Variants in MACROD2 observed in about 807,000 individuals in gnomAD.
MACROD2 encodes mono-ADP ribosylhydrolase 2.
MACROD2 carries 36 observed loss-of-function variants against 70.4 expected under a neutral mutation model. The ratio of observed to expected loss-of-function variants is 0.51; its 90% CI spans 0.39 to 0.68. The LOEUF (loss-of-function observed/expected upper bound fraction) is 0.68, where lower values mean the gene tolerates loss of function less well. MACROD2 is among the 30% of genes least tolerant of loss of function. The pLI is 0.00. For synonymous variants in MACROD2, 172 were observed against 178.8 expected (o/e 0.96, Z 0.30); for missense variants, 496 against 538.4 (o/e 0.92, Z 0.78).
chr20:15,204,522 T>A (rs182706091), intron 5 of MACROD2, among the ~76,000 whole-genome samples: 255 of 152,296 alleles, frequency 1.7e-3, no homozygotes, highest in South Asian at 0.017. Context: ...CCTGGCCTAT[T>A]ATAATTTTCA....
At chr20:14,647,122 C>G (rs908287347) in intron 4 of MACROD2, among the ~76,000 whole-genome samples, 3 of 152,112 alleles carry the variant, frequency 2.0e-5, no homozygotes, top group African/African-American at 7.2e-5. Flanking sequence ...AAACTATTCT[C>G]TTCAACACTT....
intron 4 of MACROD2, chr20:14,636,635 A>G (rs1984803344): frequency 6.6e-6 from 1 of 152,186 alleles, no homozygotes; most frequent in South Asian, 2.1e-4. Flanking sequence ...CAGGCTTCTT[A>G]CCATTCATGT....
intron 4 of MACROD2, among the ~76,000 whole-genome samples, chr20:14,527,880 A>G (rs536861637): frequency 6.6e-6 from 1 of 152,148 alleles, no homozygotes; most frequent in Non-Finnish European, 1.5e-5. Flanking sequence ...TTAAAGGTCA[A>G]TTATTTCAAC....
rs1012731050 is a variant in MACROD2, at chr20:14,878,484, A to C, written c.418+193525A>C. Among the ~76,000 whole-genome samples, 10 of 152,120 alleles carry C rather than the reference A, an allele frequency of 6.6e-5. 1 individual carries two copies. The highest frequency in any genetic ancestry group is 3.3e-4 in the Admixed American group (5 of 15,258). On this transcript the variant is annotated intron_variant, in intron 5 of 17. Transcript: ENST00000684519. ...CCTTTAAAGTAAAACTATAAGAATT[A>C]TTAGTCATTTGATGAGAAGTAATAA...
At chr20:14,199,505 T>G (rs868333798) in intron 3 of MACROD2, among the ~76,000 whole-genome samples, 1 of 152,236 alleles carries the variant, frequency 6.6e-6, no homozygotes, top group African/African-American at 2.4e-5. Flanking sequence ...ATAGCTAAAA[T>G]GCACAGTATA....
At chr20:14,265,909 T>C (rs2082140938) in intron 3 of MACROD2, among the ~76,000 whole-genome samples, 1 of 152,060 alleles carries the variant, frequency 6.6e-6, no homozygotes, top group South Asian at 2.1e-4. Context: ...CCCAAGTAGC[T>C]GGGACTACAG....
intron 5 of MACROD2, among the ~76,000 whole-genome samples, chr20:14,925,651 G>T (rs1293231852): frequency 6.6e-6 from 1 of 152,106 alleles, no homozygotes; most frequent in Non-Finnish European, 1.5e-5. Context: ...TAGAAACCTT[G>T]GTCATTCAGA....
At chr20:15,540,043 A>T (rs1334281995) in intron 8 of MACROD2, among the ~76,000 whole-genome samples, 1 of 152,232 alleles carries the variant, frequency 6.6e-6, no homozygotes, top group South Asian at 2.1e-4. Context: ...GTAGAGCGAT[A>T]AAGTGATGAC....
intron 5 of MACROD2, among the ~76,000 whole-genome samples, chr20:15,052,922 A>G (rs556214160): frequency 6.6e-6 from 1 of 152,332 alleles, no homozygotes; most frequent in African/African-American, 2.4e-5. Context: ...AATGATAAGA[A>G]AGTGAAACAG....
intron 8 of MACROD2, among the ~76,000 whole-genome samples, chr20:15,766,830 C>A (rs2051535257): frequency 6.6e-6 from 1 of 152,234 alleles, no homozygotes; most frequent in South Asian, 2.1e-4. Flanking sequence ...TATCTCAGGA[C>A]TCTTAGCTTG....
At chr20:15,758,696 C>T (rs1398479654) in intron 8 of MACROD2, among the ~76,000 whole-genome samples, 3 of 152,038 alleles carry the variant, frequency 2.0e-5, no homozygotes, top group Non-Finnish European at 4.4e-5. Context: ...TGCTCCACCA[C>T]ACCCAGCTAG....
intron 3 of MACROD2, among the ~76,000 whole-genome samples, chr20:14,097,080 T>A (rs945146123): frequency 1.3e-5 from 2 of 152,184 alleles, no homozygotes; most frequent in African/African-American, 2.4e-5. Flanking sequence ...TTCCTCTATT[T>A]CCCAAAGCAC....
In MACROD2 at chr20:15,967,560, A is replaced by T. The variant is rs886475954; in HGVS notation, c.915A>T (p.Ala305=). 2.5e-6 allele frequency: 4 copies of T among 1,610,674 alleles called. No individual in the cohort carries two copies. In the African/African-American group the frequency reaches 5.4e-5, roughly 22 times the overall value. ...TTGCTTGTTTGTTGTTAGATTTTGCAAAGGATGAAAATATTACAAAAGGCG... is the reference window on the plus strand; with the variant it reads ...TTGCTTGTTTGTTGTTAGATTTTGCTAAGGATGAAAATATTACAAAAGGCG... ...AVEDCKDEDF[A]KDENITKGGE... is the part of the protein sequence containing the mutation. Residue 305 remains alanine (A), a synonymous_variant, in exon 13 of 18, where the codon GCA becomes GCT. Transcript: ENST00000684519.
intron 12 of MACROD2, among the ~76,000 whole-genome samples, chr20:15,940,285 G>A (rs1022918594): frequency 2.0e-5 from 3 of 151,418 alleles, no homozygotes; most frequent in East Asian, 1.9e-4. Flanking sequence ...AAGTAGAGAC[G>A]GGGTTTCACC....
chr20:15,817,295 T>C (rs2063887208), intron 8 of MACROD2, among the ~76,000 whole-genome samples: 1 of 152,238 alleles, frequency 6.6e-6, no homozygotes, highest in Non-Finnish European at 1.5e-5. Flanking sequence ...AAGAAAGAGA[T>C]AGGCTGTGTT....
rs1374553646 is a variant in MACROD2 at position 15,234,083 on chromosome 20, G to A, written c.540+4022G>A. On this transcript the variant is annotated intron_variant, in intron 6 of 17. Transcript: ENST00000684519. The stretch of plus-strand genomic sequence containing the variant: ...GTCTCGCTCTGTGGCCCAGGTGGGA[G>A]TGCAGTGGCGCAATCTCGGCTCACT... 3.5e-5 allele frequency among the ~76,000 whole-genome samples: 4 copies of A among 115,506 alleles called. No individual in the cohort carries two copies. In the East Asian group the frequency reaches 1.0e-3, roughly 30 times the overall value. 75.8% of individuals were successfully genotyped at this position (115,506 alleles called of 152,430 possible).
intron 6 of MACROD2, among the ~76,000 whole-genome samples, chr20:15,284,594 G>C (rs2077475149): frequency 6.6e-6 from 1 of 152,066 alleles, no homozygotes; most frequent in Admixed American, 6.6e-5. Flanking sequence ...TTTTGGGTCT[G>C]GGATGAAATT....
At chr20:15,589,605 C>G (rs1284858404) in intron 8 of MACROD2, among the ~76,000 whole-genome samples, 2 of 152,202 alleles carry the variant, frequency 1.3e-5, no homozygotes, top group African/African-American at 4.8e-5. Flanking sequence ...GGACAAACAT[C>G]TAATGACATG....
intron 15 of MACROD2, among the ~76,000 whole-genome samples, chr20:16,032,329 C>T (rs895002434): frequency 3.9e-5 from 6 of 152,018 alleles, no homozygotes; most frequent in African/African-American, 1.4e-4. Flanking sequence ...AGGATCCGTA[C>T]TCCAAACTTC....
Sources: allele counts gnomAD v4.1 joint callset (sites outside exome capture counted in the v4.1 genomes callset), GRCh38; gene constraint gnomAD v4.1.1; transcripts MANE v1.5; gene names NCBI Gene and HGNC (gene_info 2026-07-23, HGNC 2026-07-21).